PDZRN4: variants seen among roughly 807,000 people sequenced by gnomAD.
The protein encoded by PDZRN4 is PDZ domain-containing RING finger protein 4.
In PDZRN4, 70 loss-of-function variants were observed where a neutral mutation model predicts 99.0. The observed-to-expected ratio is 0.71, with a 90% CI of 0.58 to 0.86. The LOEUF (loss-of-function observed/expected upper bound fraction) is 0.86. Ranked by LOEUF, PDZRN4 falls within the 40% of genes least tolerant of loss-of-function variation. The pLI, the probability that PDZRN4 is intolerant of heterozygous loss-of-function variation, is 0.00. For synonymous variants in PDZRN4, 551 were observed against 501.6 expected (o/e 1.10, Z -1.32); for missense variants, 1,474 against 1,331.2 (o/e 1.11, Z -1.67).
At chr12:41,464,981 C>T (rs1034488161) in intron 3 of PDZRN4, among the ~76,000 whole-genome samples, 4 of 151,946 alleles carry the variant, frequency 2.6e-5, no homozygotes, top group South Asian at 4.2e-4. Flanking sequence ...CCTGTCACCA[C>T]GCCTGGCTAA....
chr12:41,282,548 C>T (rs1196645580), intron 3 of PDZRN4, among the ~76,000 whole-genome samples: 1 of 152,144 alleles, frequency 6.6e-6, no homozygotes, highest in Non-Finnish European at 1.5e-5. Flanking sequence ...GAACTCTTCA[C>T]CCAAAATCAA....
At chr12:41,469,727 C>T (rs56394503) in intron 3 of PDZRN4, among the ~76,000 whole-genome samples, 2,960 of 151,996 alleles carry the variant, frequency 0.019, 166 homozygotes, top group East Asian at 0.18. Flanking sequence ...GTCAGGAGAT[C>T]GAGACCATCC....
chr12:41,317,895 C>A lies in PDZRN4; in HGVS notation c.843+123707C>A, dbSNP rs146805667. Among the ~76,000 whole-genome samples the A allele has an allele frequency of 4.1e-3, 621 of 152,108 alleles. 6 individuals carry two copies. Among genetic ancestry groups the A allele is most frequent in the African/African-American group, 0.014 (594 of 41,476 alleles). On this transcript the variant is annotated intron_variant, in intron 3 of 9. Transcript: ENST00000402685. ...TTTTTAACTACTGATGTATCCAAAT[C>A]TGGGAAAAGATAGTAGCAGGTGGTA...
intron 3 of PDZRN4, among the ~76,000 whole-genome samples, chr12:41,461,809 T>C (rs1432507486): frequency 1.3e-5 from 2 of 152,132 alleles, no homozygotes; most frequent in Non-Finnish European, 2.9e-5. Context: ...TGAAACTCTC[T>C]TATTGAACTT....
intron 3 of PDZRN4, among the ~76,000 whole-genome samples, chr12:41,277,451 C>T (rs1267399183): frequency 6.6e-6 from 1 of 152,172 alleles, no homozygotes; most frequent in Non-Finnish European, 1.5e-5. Flanking sequence ...AGGAAAGAGT[C>T]CGCTTTCATT....
intron 3 of PDZRN4, among the ~76,000 whole-genome samples, chr12:41,235,717 A>T (rs1013141031): frequency 2.6e-5 from 4 of 152,232 alleles, no homozygotes; most frequent in Non-Finnish European, 5.9e-5. Context: ...ACCAAACCAC[A>T]TACACGCGGG....
At chr12:41,274,213 AGG>A (rs1352416750) in intron 3 of PDZRN4, among the ~76,000 whole-genome samples, 1 of 152,144 alleles carries the variant, frequency 6.6e-6, no homozygotes, top group Admixed American at 6.6e-5. Context: ...TGAAAATGTC[AGG>A]GTTTTTAAAA....
intron 3 of PDZRN4, among the ~76,000 whole-genome samples, chr12:41,478,780 A>C (rs1174435413): frequency 6.6e-6 from 1 of 152,102 alleles, no homozygotes; most frequent in Non-Finnish European, 1.5e-5. Flanking sequence ...CATACACACA[A>C]CACAACACAC....
At position 41,188,704 on chromosome 12, in the gene PDZRN4, C is replaced by T. The variant is rs1367902370; in HGVS notation, c.249C>T (p.Tyr83=). The change falls in exon 1 of 10, where the codon TAC becomes TAT. Residue 83 remains tyrosine, a synonymous_variant. Coordinates refer to ENST00000402685, the MANE Select transcript of PDZRN4 (RefSeq NM_001164595.2). ...LIQKLRVQCD[Y]RARGCGHSVR... is the part of the protein sequence containing the mutation. ...AGAAGCTGCGAGTCCAGTGCGACTACCGCGCCCGCGGCTGCGGCCACTCGG... is the reference window on the plus strand; with the variant it reads ...AGAAGCTGCGAGTCCAGTGCGACTATCGCGCCCGCGGCTGCGGCCACTCGG... 206 of 1,556,098 alleles carry T rather than the reference C, an allele frequency of 1.3e-4. No homozygotes were observed. The highest frequency in any genetic ancestry group is 1.7e-4 in the Non-Finnish European group (194 of 1,161,518).
rs1162534362 is a variant in PDZRN4 at position 41,506,536 on chromosome 12, G to A, written c.924G>A (p.Val308=). 3 of 1,613,770 alleles carry A rather than the reference G, an allele frequency of 1.9e-6. No individual in the cohort carries two copies. The highest frequency in any genetic ancestry group is 1.7e-6 in the Non-Finnish European group (2 of 1,179,800). Residue 308 remains valine, a synonymous_variant, in exon 4 of 10, where the codon GTG becomes GTA. Coordinates refer to ENST00000402685, the MANE Select transcript of PDZRN4 (RefSeq NM_001164595.2). ...AFRNAKEPIV[V]QVLRRTPLSR... ...GCAATGCCAAGGAGCCCATTGTGGT[G>A]CAGGTGTTAAGGCGAACACCTCTTA...
intron 5 of PDZRN4, among the ~76,000 whole-genome samples, chr12:41,510,761 G>T (rs923119083): frequency 6.6e-6 from 1 of 152,074 alleles, no homozygotes; most frequent in East Asian, 1.9e-4. Context: ...CCCTTAGGAG[G>T]ATCTGAAATC....
chr12:41,299,407 C>G (rs950487772), intron 3 of PDZRN4, among the ~76,000 whole-genome samples: 9 of 152,032 alleles, frequency 5.9e-5, no homozygotes, highest in African/African-American at 2.2e-4. Flanking sequence ...TCTCAGAATG[C>G]TTCTGTTGGA....
At chr12:41,292,777 C>G (rs554556887) in intron 3 of PDZRN4, among the ~76,000 whole-genome samples, 1 of 152,118 alleles carries the variant, frequency 6.6e-6, no homozygotes, top group East Asian at 2.0e-4. Context: ...TAAGATTCAG[C>G]AAACTTGGAA....
intron 3 of PDZRN4, among the ~76,000 whole-genome samples, chr12:41,390,477 T>A (rs569867254): frequency 3.0e-4 from 43 of 141,880 alleles, no homozygotes; most frequent in Non-Finnish European, 5.6e-4. Flanking sequence ...CTAGAGGGTA[T>A]TTTCTGAAAG....
intron 3 of PDZRN4, among the ~76,000 whole-genome samples, chr12:41,287,286 G>A (rs746650844): frequency 1.3e-5 from 2 of 152,158 alleles, no homozygotes; most frequent in Non-Finnish European, 2.9e-5. Context: ...GACTTCATGA[G>A]CTCAGATTTC....
chr12:41,454,353 G>A (rs1368268928), intron 3 of PDZRN4, among the ~76,000 whole-genome samples: 1 of 152,226 alleles, frequency 6.6e-6, no homozygotes, highest in Non-Finnish European at 1.5e-5. Flanking sequence ...TGAGGTTCCT[G>A]CGTTTGAGTT....
At chr12:41,503,745 G>A (rs1219739640) in intron 3 of PDZRN4, among the ~76,000 whole-genome samples, 2 of 152,096 alleles carry the variant, frequency 1.3e-5, no homozygotes, top group Non-Finnish European at 2.9e-5. Flanking sequence ...GGAAAAAATA[G>A]GTGAATGGCA....
chr12:41,549,023 C>T (rs1297552218), intron 5 of PDZRN4, among the ~76,000 whole-genome samples: 1 of 152,032 alleles, frequency 6.6e-6, no homozygotes, highest in Non-Finnish European at 1.5e-5. Flanking sequence ...TCTTGAAGTA[C>T]ATTTAAGTCA....
chr12:41,467,641 T>TC (rs1952941134), intron 3 of PDZRN4, among the ~76,000 whole-genome samples: 1 of 152,180 alleles, frequency 6.6e-6, no homozygotes, highest in East Asian at 1.9e-4. Flanking sequence ...GTTTAACACA[T>TC]CCACTCTTAC....
Sources: gnomAD v4.1 joint callset for allele counts (sites outside exome capture counted in the v4.1 genomes callset) on GRCh38, gnomAD v4.1.1 for gene constraint, MANE v1.5 for transcripts, NCBI Gene and HGNC (gene_info 2026-07-23, HGNC 2026-07-21) for gene names.